The following STK31 variants were observed in gnomAD, a reference collection of about 807,000 sequenced individuals.
The protein encoded by STK31 is serine/threonine kinase 31.
STK31 carries 89 observed loss-of-function variants against 129.7 expected under a neutral mutation model. That is an observed-to-expected ratio of 0.69 (90% CI 0.58 to 0.82). The LOEUF is 0.82. Among genes scored for constraint, STK31 ranks in the 40% least tolerant of loss-of-function variants. The pLI, the probability that STK31 is intolerant of heterozygous loss-of-function variation, is 0.00. For missense variants in STK31, 1,187 were observed against 1,176.4 expected, an observed-to-expected ratio of 1.01 and a Z score of -0.13; for synonymous variants, 448 against 395.3, an observed-to-expected ratio of 1.13 and a Z score of -1.58.
chr7:23,717,124 T>TTTTTTTTTTTTTTTTTA (rs1786388546), intron 3 of STK31, among the ~76,000 whole-genome samples: 1 of 113,220 alleles, frequency 8.8e-6, no homozygotes, highest in Non-Finnish European at 2.0e-5. Context: ...TTTTTTTTTT[T>TTTTTTTTTTTTTTTTTA]TAGCATTTCT....
intron 23 of STK31, among the ~76,000 whole-genome samples, chr7:23,818,784 C>T (rs1023561343): frequency 6.6e-5 from 10 of 152,196 alleles, no homozygotes; most frequent in South Asian, 2.1e-4. Context: ...GCCACCACAC[C>T]TGGCTAATTT....
At chr7:23,718,743 T>C (rs1786507447) in intron 4 of STK31, among the ~76,000 whole-genome samples, 1 of 152,128 alleles carries the variant, frequency 6.6e-6, no homozygotes, top group Non-Finnish European at 1.5e-5. Context: ...CGATCTGTTC[T>C]CCTTTGATGG....
At chr7:23,804,389 A>G (rs371276975) in intron 22 of STK31, among the ~76,000 whole-genome samples, 15 of 152,258 alleles carry the variant, frequency 9.9e-5, no homozygotes, top group Admixed American at 5.2e-4. Context: ...GTTTGCCACT[A>G]TATCCTCAAA....
chr7:23,815,353 G>A (rs1793406416), intron 23 of STK31, 141 bp downstream of exon 23: 3 of 570,296 alleles, frequency 5.3e-6, no homozygotes, highest in Non-Finnish European at 8.9e-6. Context: ...AAAAATTCAG[G>A]TGCCCTACTT....
chr7:23,817,861 C>A (rs1174504922), intron 23 of STK31, among the ~76,000 whole-genome samples: 1 of 152,046 alleles, frequency 6.6e-6, no homozygotes, highest in Non-Finnish European at 1.5e-5. Context: ...CAGATTCTGG[C>A]AGTTTCAGTC....
intron 20 of STK31, 23 bp downstream of exon 20, chr7:23,786,947 T>C: frequency 6.3e-7 from 1 of 1,594,852 alleles, no homozygotes; most frequent in Non-Finnish European, 8.6e-7. Flanking sequence ...CACTATTTAT[T>C]TCCATGGATG....
chr7:23,830,547 C>T (rs1191765575), intron 23 of STK31, among the ~76,000 whole-genome samples: 15 of 151,246 alleles, frequency 9.9e-5, no homozygotes, highest in Admixed American at 9.9e-4. Flanking sequence ...TTAATTTCTT[C>T]CTTGACCCAG....
At chr7:23,806,262 A>G (rs1215347818) in intron 22 of STK31, among the ~76,000 whole-genome samples, 5 of 152,206 alleles carry the variant, frequency 3.3e-5, no homozygotes, top group Non-Finnish European at 7.3e-5. Flanking sequence ...TCTGCTTACA[A>G]AGTCTTGCGT....
intron 10 of STK31, among the ~76,000 whole-genome samples, chr7:23,759,104 T>C (rs1025469256): frequency 2.0e-5 from 3 of 152,336 alleles, no homozygotes; most frequent in Non-Finnish European, 4.4e-5. Context: ...TGAATATATA[T>C]GCACCCAAGG....
chr7:23,754,719 AACTCCCACTTACG>A (rs1788947637), intron 10 of STK31, among the ~76,000 whole-genome samples: 1 of 152,104 alleles, frequency 6.6e-6, no homozygotes, highest in African/African-American at 2.4e-5. Context: ...CTCAATGTTC[AACTCCCACTTACG>A]AGTGAGAACA....
chr7:23,729,397 T>G, intron 6 of STK31, 148 bp downstream of exon 6: 1 of 684,260 alleles, frequency 1.5e-6, no homozygotes, highest in Non-Finnish European at 2.2e-6. Flanking sequence ...CAATTATATA[T>G]TTATGCTCAT....
Position 23,807,156 on chromosome 7 carries a change from T to A in STK31, c.2761-7988T>A, listed in dbSNP as rs151079938. Among the ~76,000 whole-genome samples the A allele has an allele frequency of 3.7e-3, 569 of 152,288 alleles. 3 individuals carry two copies. Among genetic ancestry groups the A allele is most frequent in the Middle Eastern group, 0.02 (6 of 294 alleles). ...CCCATATTTTTATTCTTATTCTTTT[T>A]AAAATTTCTAATGTTTCAGCATTTC... On this transcript the variant is annotated intron_variant, in intron 22 of 23. Coordinates refer to ENST00000355870, the MANE Select transcript of STK31 (RefSeq NM_031414.5).
chr7:23,727,556 CTTTTTTT>C (rs58066410), intron 5 of STK31: 202 of 137,170 alleles, frequency 1.5e-3, no homozygotes, highest in Middle Eastern at 5.5e-3. Flanking sequence ...TACCTCAGTT[CTTTTTTT>C]TTTTTTTTTT....
intron 8 of STK31, among the ~76,000 whole-genome samples, chr7:23,743,648 A>T (rs937573890): frequency 2.0e-5 from 3 of 152,116 alleles, no homozygotes; most frequent in Non-Finnish European, 2.9e-5. Context: ...GGCATCTCTG[A>T]ACTTCTTTTA....
intron 22 of STK31, among the ~76,000 whole-genome samples, chr7:23,807,641 C>G (rs1328329434): frequency 6.6e-6 from 1 of 151,878 alleles, no homozygotes; most frequent in African/African-American, 2.4e-5. Flanking sequence ...AGCCCCCCAC[C>G]CTTTCTCCTC....
intron 8 of STK31, among the ~76,000 whole-genome samples, chr7:23,748,760 A>G (rs1002872029): frequency 6.6e-6 from 1 of 152,246 alleles, no homozygotes; most frequent in Non-Finnish European, 1.5e-5. Context: ...TATATAATAC[A>G]TATAACATAC....
intron 10 of STK31, among the ~76,000 whole-genome samples, chr7:23,760,936 G>T (rs749895387): frequency 7.9e-5 from 12 of 152,108 alleles, no homozygotes; most frequent in Non-Finnish European, 1.3e-4. Flanking sequence ...AAAGTCCTGG[G>T]ATTGCAAGTG....
At chr7:23,816,812 T>A (rs753034047) in intron 23 of STK31, among the ~76,000 whole-genome samples, 2 of 152,184 alleles carry the variant, frequency 1.3e-5, no homozygotes, top group Non-Finnish European at 2.9e-5. Flanking sequence ...ATTCTCTAGG[T>A]CCAAGAGGAA....
At chr7:23,770,168 T>C (rs2128103312) in intron 13 of STK31, among the ~76,000 whole-genome samples, 1 of 152,270 alleles carries the variant, frequency 6.6e-6, no homozygotes, top group Middle Eastern at 3.4e-3. Context: ...GTGGTCATCC[T>C]CTTTCTTTCT....
Sources: gnomAD v4.1 joint callset for allele counts (sites outside exome capture counted in the v4.1 genomes callset) on GRCh38, gnomAD v4.1.1 for gene constraint, MANE v1.5 for transcripts, NCBI Gene and HGNC (gene_info 2026-07-23, HGNC 2026-07-21) for gene names.